The following FAT3 variants were observed in gnomAD, a reference collection of about 807,000 sequenced individuals.
FAT3 encodes protocadherin Fat 3.
In FAT3, 95 loss-of-function variants were observed where a neutral mutation model predicts 310.2. The observed-to-expected ratio is 0.31, with a 90% CI of 0.26 to 0.36. The LOEUF is 0.36. FAT3 is among the 10% of genes least tolerant of loss of function. The probability of loss-of-function intolerance (pLI) is 1.00; values close to 1 mark genes in which losing one functional copy is unlikely to be tolerated. For synonymous variants in FAT3, 2,314 were observed against 2,192.9 expected, an observed-to-expected ratio of 1.06 and a Z score of -1.54; for missense variants, 5,408 against 5,715.6, an observed-to-expected ratio of 0.95 and a Z score of 1.74.
chr11:92,489,347 T>C (rs1239304977), intron 2 of FAT3, among the ~76,000 whole-genome samples: 1 of 152,152 alleles, frequency 6.6e-6, no homozygotes, highest in Admixed American at 6.5e-5. Context: ...TGGAGGCCTA[T>C]TCCCGATCAT....
chr11:92,785,326 A>G lies in FAT3; in HGVS notation c.4336-4617A>G, dbSNP rs887670529. Among the ~76,000 whole-genome samples, 5 of 152,182 alleles carry G rather than the reference A, an allele frequency of 3.3e-5. No homozygotes were observed. The South Asian group carries it at 1.0e-3, about 31-fold the overall frequency. ...CTAGAGGATTTTTTTTCTATTAGTC[A>G]GGAATCAGACAGGGACATCACTATA... On this transcript the variant is annotated intron_variant, in intron 7 of 27. Transcript: ENST00000525166.
chr11:92,439,940 G>GAA (rs879502193), intron 2 of FAT3, among the ~76,000 whole-genome samples: 11 of 138,958 alleles, frequency 7.9e-5, no homozygotes, highest in African/African-American at 2.9e-4. Context: ...AGAAAAGAAA[G>GAA]AAAAAAAAAA....
At chr11:92,480,503 A>G (rs552932710) in intron 2 of FAT3, among the ~76,000 whole-genome samples, 1 of 152,020 alleles carries the variant, frequency 6.6e-6, no homozygotes, top group African/African-American at 2.4e-5. Flanking sequence ...AATGCAACTC[A>G]TAGGGTGAAA....
chr11:92,880,724 TC>T lies in FAT3; in HGVS notation c.12128-3del. Reference sequence around the variant, plus strand: ...TCCATGGCTCATGAGGTCCTCTGTTTCCCCAGGCTATCAGTGTACCTGTCTC... The same window carrying T: ...TCCATGGCTCATGAGGTCCTCTGTTTCCCAGGCTATCAGTGTACCTGTCTC... On this transcript the variant is annotated splice_region_variant and splice_polypyrimidine_tract_variant and intron_variant, in intron 22 of 27. Coordinates refer to ENST00000525166, the MANE Select transcript of FAT3 (RefSeq NM_001367949.2). The T allele has an allele frequency of 6.2e-7, 1 of 1,611,284 alleles. No individual in the cohort carries two copies. Among genetic ancestry groups the T allele is most frequent in the Non-Finnish European group, 8.5e-7 (1 of 1,178,724 alleles).
At position 92,658,003 on chromosome 11, in the gene FAT3, G is replaced by C. The variant is rs550967108; in HGVS notation, c.3608-39381G>C. ...GCCACATTAAAAAAGTGAAAAAAAG[G>C]CTAAAATAATTTAACAACATATTTT... On this transcript the variant is annotated intron_variant, in intron 3 of 27. Coordinates refer to ENST00000525166, the MANE Select transcript of FAT3 (RefSeq NM_001367949.2). 8.5e-5 allele frequency among the ~76,000 whole-genome samples: 13 copies of C among 152,196 alleles called. No homozygotes were observed. The East Asian group carries it at 2.5e-3, about 29-fold the overall frequency.
At chr11:92,814,621 G>A (rs1262739138) in intron 13 of FAT3, among the ~76,000 whole-genome samples, 2 of 152,156 alleles carry the variant, frequency 1.3e-5, no homozygotes, top group Non-Finnish European at 2.9e-5. Context: ...GTGAATAGTA[G>A]TAAAATGAAT....
At chr11:92,492,247 CCAT>C (rs1478332154) in intron 2 of FAT3, among the ~76,000 whole-genome samples, 7 of 128,248 alleles carry the variant, frequency 5.5e-5, no homozygotes, top group African/African-American at 9.0e-5. Flanking sequence ...ATATTTCCAT[CCAT>C]CCATCCATCC....
At chr11:92,751,748 G>A (rs12271146) in intron 4 of FAT3, among the ~76,000 whole-genome samples, 1 of 152,076 alleles carries the variant, frequency 6.6e-6, no homozygotes, top group South Asian at 2.1e-4. Flanking sequence ...ACGTGGGAAG[G>A]GAATTTTGAA....
chr11:92,738,426 C>T (rs780523545), intron 4 of FAT3, among the ~76,000 whole-genome samples: 6 of 152,186 alleles, frequency 3.9e-5, no homozygotes, highest in Admixed American at 1.3e-4. Flanking sequence ...AGCTTTGTCT[C>T]GCTTCCGCAT....
At chr11:92,610,819 C>G (rs1003924655) in intron 3 of FAT3, among the ~76,000 whole-genome samples, 1 of 152,210 alleles carries the variant, frequency 6.6e-6, no homozygotes. Flanking sequence ...GCCTGGCACA[C>G]AGTAGGCACT....
At chr11:92,390,149 G>T (rs1022922703) in intron 2 of FAT3, among the ~76,000 whole-genome samples, 1 of 152,070 alleles carries the variant, frequency 6.6e-6, no homozygotes, top group Non-Finnish European at 1.5e-5. Context: ...AAAAAATAAA[G>T]TTCTTGTAAA....
chr11:92,353,675 T>A lies in FAT3; in HGVS notation c.1563T>A (p.Ile521=), dbSNP rs780252838. ...GCCTGAATTTGTTACCATTTGTCAT[T>A]AATCAGTTTACAGGTGTTATTAGCA... ...IASLNLLPFV[I]NQFTGVISTT... is the part of the protein sequence containing the mutation. The change falls in exon 2 of 28, where the codon ATT becomes ATA. Residue 521 remains isoleucine, a synonymous_variant. Coordinates refer to ENST00000525166, the MANE Select transcript of FAT3 (RefSeq NM_001367949.2). The A allele has an allele frequency of 6.8e-6, 11 of 1,613,842 alleles. No homozygotes were observed. Among genetic ancestry groups the A allele is most frequent in the Non-Finnish European group, 7.6e-6 (9 of 1,179,888 alleles).
intron 4 of FAT3, among the ~76,000 whole-genome samples, chr11:92,742,140 G>T (rs1218261038): frequency 1.3e-5 from 2 of 152,204 alleles, no homozygotes; most frequent in Non-Finnish European, 2.9e-5. Flanking sequence ...CTAACTGAAT[G>T]CAGGGGTGTG....
chr11:92,526,188 A>G (rs1378012641), intron 3 of FAT3, among the ~76,000 whole-genome samples: 2 of 152,146 alleles, frequency 1.3e-5, no homozygotes, highest in Admixed American at 1.3e-4. Context: ...AAAATTCTCC[A>G]TGCTTCTGCG....
intron 2 of FAT3, among the ~76,000 whole-genome samples, chr11:92,456,812 A>G (rs1951505406): frequency 2.0e-5 from 3 of 152,132 alleles, no homozygotes; most frequent in Admixed American, 6.5e-5. Flanking sequence ...TCTTTCAAGC[A>G]GTCTGTACCG....
chr11:92,632,810 A>G (rs1047133446), intron 3 of FAT3, among the ~76,000 whole-genome samples: 1 of 152,200 alleles, frequency 6.6e-6, no homozygotes, highest in Non-Finnish European at 1.5e-5. Context: ...GAGATGTATC[A>G]TCAGAGGTTA....
At chr11:92,588,165 A>C in intron 3 of FAT3, among the ~76,000 whole-genome samples, 1 of 151,780 alleles carries the variant, frequency 6.6e-6, no homozygotes, top group Middle Eastern at 3.2e-3. Flanking sequence ...GAGAGCATGC[A>C]TACTTTCAAC....
intron 12 of FAT3, among the ~76,000 whole-genome samples, chr11:92,808,273 G>A (rs548097344): frequency 1.3e-5 from 2 of 152,262 alleles, no homozygotes; most frequent in South Asian, 2.1e-4. Context: ...GAGTGTTCAG[G>A]AGAAACATAA....
Position 92,715,881 on chromosome 11 carries a change from T to C in FAT3, c.3669+18436T>C, listed in dbSNP as rs145531931. Among the ~76,000 whole-genome samples the C allele has an allele frequency of 4.5e-3, 690 of 151,956 alleles. 2 individuals are homozygous for C. The highest frequency in any genetic ancestry group is 0.016 in the African/African-American group (645 of 41,432). ...ATAAAGAGGGATGCATATGGCACCCTTGGGAGACTATGACAGGAGTAGCCT... is the reference window on the plus strand; with the variant it reads ...ATAAAGAGGGATGCATATGGCACCCCTGGGAGACTATGACAGGAGTAGCCT... On this transcript the variant is annotated intron_variant, in intron 4 of 27. Coordinates refer to ENST00000525166, the MANE Select transcript of FAT3 (RefSeq NM_001367949.2).
Sources: gnomAD v4.1 joint callset for allele counts (sites outside exome capture counted in the v4.1 genomes callset) on GRCh38, gnomAD v4.1.1 for gene constraint, MANE v1.5 for transcripts, NCBI Gene and HGNC (gene_info 2026-07-23, HGNC 2026-07-21) for gene names.